DMD: variants seen among roughly 807,000 people sequenced by gnomAD.
DMD encodes mutant dystrophin.
A neutral mutation model predicts 330.1 loss-of-function variants in DMD; 63 were observed. The observed-to-expected ratio is 0.19, with a 90% CI of 0.16 to 0.24. The LOEUF is 0.24. Among genes scored for constraint, DMD ranks in the 10% least tolerant of loss-of-function variants. The pLI is 1.00. For synonymous variants in DMD, 1,223 were observed against 959.8 expected, an observed-to-expected ratio of 1.27 and a Z score of -5.07; for missense variants, 3,344 against 2,684.1, an observed-to-expected ratio of 1.25 and a Z score of -5.43.
chrX:31,680,477 C>T (rs1603445680), intron 52 of DMD, among the ~76,000 whole-genome samples: 3 of 109,878 alleles, frequency 2.7e-5, no homozygotes, highest in Admixed American at 1.9e-4. Context: ...TTCAAGCTAT[C>T]CTCCTGTCTC....
chrX:32,825,990 A>T (rs1251635917), intron 4 of DMD, among the ~76,000 whole-genome samples: 1 of 110,952 alleles, frequency 9.0e-6, no homozygotes, highest in Non-Finnish European at 1.9e-5. Flanking sequence ...ATTATACACT[A>T]AAAAAATAGA....
At chrX:31,447,260 A>ATTTTTTTTTTTTTTTTTTTTTTT (rs72227601) in intron 59 of DMD, among the ~76,000 whole-genome samples, 1 of 52,472 alleles carries the variant, frequency 1.9e-5, no homozygotes, top group Non-Finnish European at 3.3e-5. Flanking sequence ...AGATCTTGGG[A>ATTTTTTTTTTTTTTTTTTTTTTT]TTTTTTTTTT....
intron 44 of DMD, among the ~76,000 whole-genome samples, chrX:32,003,390 C>G (rs187308651): frequency 8.9e-6 from 1 of 111,827 alleles, no homozygotes; most frequent in African/African-American, 3.2e-5. Context: ...CTGGAAAATA[C>G]GGGCTCCTCA....
At chrX:32,567,644 G>A (rs1415698983) in intron 15 of DMD, among the ~76,000 whole-genome samples, 2 of 112,471 alleles carry the variant, frequency 1.8e-5, no homozygotes, top group African/African-American at 3.2e-5. Context: ...TGATCCACCC[G>A]CCTTGGCCTC....
chrX:32,401,284 G>A (rs918852851), intron 30 of DMD, among the ~76,000 whole-genome samples: 1 of 109,597 alleles, frequency 9.1e-6, no homozygotes, highest in East Asian at 2.9e-4. Context: ...ATACATATGT[G>A]ACTAACCTGC....
At chrX:32,931,364 T>C (rs2089579739) in intron 2 of DMD, among the ~76,000 whole-genome samples, 1 of 111,443 alleles carries the variant, frequency 9.0e-6, no homozygotes, top group African/African-American at 3.3e-5. Flanking sequence ...CTGTCGATAG[T>C]TGCGTTATTT....
At chrX:31,444,724 A>G in intron 59 of DMD, 97 bp from the exon 60 acceptor site, 1 of 924,413 alleles carries the variant, frequency 1.1e-6, no homozygotes, top group African/African-American at 1.9e-5. Context: ...CAGTGCCAGT[A>G]ATGTTTGCTC....
chrX:33,003,012 C>G (rs1302825797), intron 2 of DMD, among the ~76,000 whole-genome samples: 1 of 109,825 alleles, frequency 9.1e-6, no homozygotes, highest in Non-Finnish European at 1.9e-5. Flanking sequence ...TATTTTAATA[C>G]TTTTGGGGGA....
intron 7 of DMD, among the ~76,000 whole-genome samples, chrX:32,709,396 AGATT>A (rs1344218349): frequency 7.1e-5 from 8 of 111,958 alleles, no homozygotes; most frequent in African/African-American, 1.3e-4. Flanking sequence ...AACATAGCTG[AGATT>A]GATTTTCATT....
chrX:31,698,818 T>C (rs745833706), intron 52 of DMD, among the ~76,000 whole-genome samples: 1 of 111,878 alleles, frequency 8.9e-6, no homozygotes, highest in African/African-American at 3.2e-5. Flanking sequence ...TATTGGCACA[T>C]AAATAAATCC....
At chrX:31,392,168 C>G (rs2060711906) in intron 60 of DMD, among the ~76,000 whole-genome samples, 2 of 112,208 alleles carry the variant, frequency 1.8e-5, no homozygotes, top group Admixed American at 1.9e-4. Context: ...AGAACTGCCA[C>G]TCTTCCTTTA....
At chrX:32,892,185 C>A (rs555151934) in intron 2 of DMD, among the ~76,000 whole-genome samples, 1 of 111,910 alleles carries the variant, frequency 8.9e-6, no homozygotes, top group African/African-American at 3.2e-5. Flanking sequence ...TCCCTCAACC[C>A]CTTACAACTG....
chrX:32,572,985 C>T (rs1478620173), intron 15 of DMD, among the ~76,000 whole-genome samples: 1 of 111,478 alleles, frequency 9.0e-6, no homozygotes, highest in Non-Finnish European at 1.9e-5. Flanking sequence ...TCTCCTTCTG[C>T]CATGATTGTA....
chrX:31,137,027 C>CT lies in DMD; in HGVS notation c.10922-2834dup, dbSNP rs763436253. ...AATGCATTGCTTTTTTTCTCTTTTTCTTTTTTTTTGAGATGGAGTCTTGCT... is the reference window on the plus strand; with the variant it reads ...AATGCATTGCTTTTTTTCTCTTTTTCTTTTTTTTTTGAGATGGAGTCTTGCT... On this transcript the variant is annotated intron_variant, in intron 76 of 78. Coordinates refer to ENST00000357033, the MANE Select transcript of DMD (RefSeq NM_004006.3). 5.4e-4 allele frequency among the ~76,000 whole-genome samples: 59 copies of CT among 108,688 alleles called. 1 individual carries two copies. Among genetic ancestry groups the CT allele is most frequent in the Middle Eastern group, 4.7e-3 (1 of 215 alleles). 94.4% of individuals were successfully genotyped at this position (108,688 alleles called of 115,157 possible).
chrX:32,800,452 G>A (rs753373498), intron 7 of DMD, among the ~76,000 whole-genome samples: 8 of 111,702 alleles, frequency 7.2e-5, no homozygotes, highest in South Asian at 7.5e-4. Flanking sequence ...ATGTATAAAT[G>A]TGTACTTGGT....
rs192095994 is a variant in DMD at position 32,686,012 on chromosome X, A to T, written c.960+11858T>A. Among the ~76,000 whole-genome samples, 19 of 111,809 alleles carry T rather than the reference A, an allele frequency of 1.7e-4. No individual in the cohort carries two copies. In the East Asian group the frequency reaches 4.5e-3, roughly 26 times the overall value. ...GACATGCTTAAGGGGGTAAACTCTT[A>T]GTGAAAACAAAAAAGTTTGCTAGTA... is the stretch of plus-strand genomic sequence containing the variant. On this transcript the variant is annotated intron_variant, in intron 9 of 78. Coordinates refer to ENST00000357033, the MANE Select transcript of DMD (RefSeq NM_004006.3).
Position 31,314,779 on chromosome X carries a change from A to AGAGAGAGAGAGT in DMD, c.9224+8818_9224+8819insACTCTCTCTCTC, listed in dbSNP as rs1225831523. On this transcript the variant is annotated intron_variant, in intron 62 of 78. Coordinates refer to ENST00000357033, the MANE Select transcript of DMD (RefSeq NM_004006.3). Reference sequence around the variant, plus strand: ...GAGAGAGAGAGAGAGAGAGAGAGAGAGTGTTTTACCGTGTTAACATTTTTC... The same window carrying AGAGAGAGAGAGT: ...GAGAGAGAGAGAGAGAGAGAGAGAGAGAGAGAGAGAGTGTGTTTTACCGTGTTAACATTTTTC... 9.3e-3 allele frequency among the ~76,000 whole-genome samples: 872 copies of AGAGAGAGAGAGT among 93,393 alleles called. 8 individuals are homozygous for AGAGAGAGAGAGT. The highest frequency in any genetic ancestry group is 0.016 in the African/African-American group (370 of 23,233). The allele number at this position is 93,393 out of a possible 115,157, so 81.1% of individuals were successfully genotyped here.
At chrX:31,668,476 A>T (rs1483425278) in intron 53 of DMD, among the ~76,000 whole-genome samples, 1 of 110,690 alleles carries the variant, frequency 9.0e-6, no homozygotes, top group Non-Finnish European at 1.9e-5. Flanking sequence ...TTTATTTTTA[A>T]TTTTATTTTG....
intron 78 of DMD, among the ~76,000 whole-genome samples, chrX:31,122,628 A>AT (rs1266778456): frequency 8.9e-6 from 1 of 111,839 alleles, no homozygotes; most frequent in Non-Finnish European, 1.9e-5. Context: ...AAACCTCAGA[A>AT]TAAAAATTGC....
Sources: gnomAD v4.1 joint callset for allele counts (sites outside exome capture counted in the v4.1 genomes callset) on GRCh38, gnomAD v4.1.1 for gene constraint, MANE v1.5 for transcripts, NCBI Gene and HGNC (gene_info 2026-07-23, HGNC 2026-07-21) for gene names.